The following ITGAL variants were observed in gnomAD, a reference collection of about 807,000 sequenced individuals.
The protein encoded by ITGAL is integrin alpha-L.
ITGAL carries 68 observed loss-of-function variants against 138.4 expected under a neutral mutation model. The observed-to-expected ratio is 0.49, with a 90% CI of 0.40 to 0.60. The LOEUF (loss-of-function observed/expected upper bound fraction) is 0.60, where lower values mean the gene tolerates loss of function less well. ITGAL is among the 20% of genes least tolerant of loss of function. ITGAL has a pLI of 0.00. For synonymous variants in ITGAL, 561 were observed against 584.3 expected (o/e 0.96, Z 0.57); for missense variants, 1,256 against 1,478.6 (o/e 0.85, Z 2.47).
intron 21 of ITGAL, among the ~76,000 whole-genome samples, chr16:30,507,411 G>T (rs2051018741): frequency 6.8e-6 from 1 of 147,134 alleles, no homozygotes; most frequent in Non-Finnish European, 1.5e-5. Context: ...AGCGAGCCGA[G>T]ATCGCGCCAC....
At chr16:30,488,435 C>T (rs536639427) in intron 9 of ITGAL, among the ~76,000 whole-genome samples, 2 of 152,038 alleles carry the variant, frequency 1.3e-5, no homozygotes, top group East Asian at 3.9e-4. Context: ...GGAGGCTGGG[C>T]ACAGTGGCTC....
At chr16:30,475,111 G>A (rs142868637) in intron 2 of ITGAL, among the ~76,000 whole-genome samples, 195 bp from the exon 3 acceptor site, 218 of 152,176 alleles carry the variant, frequency 1.4e-3, no homozygotes, top group Admixed American at 3.5e-3. Context: ...CACCGACATC[G>A]GCCTCCCAAA....
At chr16:30,501,525 C>T (rs960897399) in intron 17 of ITGAL, among the ~76,000 whole-genome samples, 11 of 148,090 alleles carry the variant, frequency 7.4e-5, no homozygotes, top group African/African-American at 1.7e-4. Context: ...TGCAGTGAGC[C>T]GAGATCGTGC....
intron 9 of ITGAL, among the ~76,000 whole-genome samples, chr16:30,487,564 C>T (rs1238609198): frequency 6.6e-6 from 1 of 151,996 alleles, no homozygotes; most frequent in Non-Finnish European, 1.5e-5. Flanking sequence ...CGCCTGCCAC[C>T]ACACCCAGAT....
chr16:30,479,214 G>A lies in ITGAL; in HGVS notation c.445+6G>A, dbSNP rs1438231648. The A allele has an allele frequency of 1.2e-6, 2 of 1,613,894 alleles. No homozygotes were observed. The highest frequency in any genetic ancestry group is 1.7e-6 in the Non-Finnish European group (2 of 1,179,848). On this transcript the variant is annotated splice_donor_region_variant and intron_variant, in intron 5 of 30. Transcript: ENST00000356798. ...GGGGCGCCCTGGTTTTCAGGGTAAG[G>A]AACTGGGGACTCATTGGGTAAAAAT...
intron 26 of ITGAL, 48 bp from the exon 27 acceptor site, chr16:30,517,601 T>C (rs1396308446): frequency 1.8e-5 from 27 of 1,533,728 alleles, no homozygotes; most frequent in African/African-American, 6.8e-5. Context: ...GCCAGTGTCT[T>C]ATCTGGGTTG....
At chr16:30,492,662 T>A (rs2050740778) in intron 11 of ITGAL, among the ~76,000 whole-genome samples, 2 of 150,552 alleles carry the variant, frequency 1.3e-5, no homozygotes, top group Admixed American at 1.3e-4. Context: ...GTTCACGCCA[T>A]TCTCCTGCCT....
intron 4 of ITGAL, among the ~76,000 whole-genome samples, chr16:30,478,734 CTG>C (rs1400648754): frequency 2.7e-5 from 4 of 150,592 alleles, no homozygotes; most frequent in Non-Finnish European, 5.9e-5. Flanking sequence ...GAAAGAGGCA[CTG>C]TATATTCTGG....
Position 30,508,299 on chromosome 16 carries a change from C to T in ITGAL, c.2508+1443C>T, listed in dbSNP as rs993014387. Among the ~76,000 whole-genome samples, 50 of 150,760 alleles carry T rather than the reference C, an allele frequency of 3.3e-4. 1 individual carries two copies. Among genetic ancestry groups the T allele is most frequent in the Admixed American group, 2.1e-3 (32 of 15,070 alleles). On this transcript the variant is annotated intron_variant, in intron 21 of 30. Coordinates refer to ENST00000356798, the MANE Select transcript of ITGAL (RefSeq NM_002209.3). ...CGCAATCTCGGCTCACTGCAACCTC[C>T]GCCTCCCAGGTTCAAGTGATTCTCC...
intron 24 of ITGAL, among the ~76,000 whole-genome samples, chr16:30,512,240 T>C (rs2051100894): frequency 6.6e-6 from 1 of 152,164 alleles, no homozygotes; most frequent in Non-Finnish European, 1.5e-5. Flanking sequence ...GAGGGAGTTA[T>C]GTCCGTTTTT....
At chr16:30,500,568 G>A (rs1345156338) in intron 17 of ITGAL, among the ~76,000 whole-genome samples, 1 of 151,616 alleles carries the variant, frequency 6.6e-6, no homozygotes, top group Non-Finnish European at 1.5e-5. Context: ...AATTTTTTTA[G>A]AGACAGGGCC....
chr16:30,488,926 C>T (rs932164520), intron 9 of ITGAL, 156 bp from the exon 10 acceptor site: 61 of 650,744 alleles, frequency 9.4e-5, no homozygotes, highest in Non-Finnish European at 1.4e-4. Context: ...AAGCCAACTC[C>T]GCATTAAGCC....
chr16:30,501,700 T>A (rs2050901237), intron 17 of ITGAL, among the ~76,000 whole-genome samples: 1 of 152,114 alleles, frequency 6.6e-6, no homozygotes, highest in Admixed American at 6.6e-5. Context: ...TTAAAGTTTT[T>A]AAATTAAGTC....
chr16:30,492,363 G>C (rs1226533090), intron 11 of ITGAL, among the ~76,000 whole-genome samples: 1 of 149,700 alleles, frequency 6.7e-6, no homozygotes, highest in Non-Finnish European at 1.5e-5. Flanking sequence ...TGATTCTCTT[G>C]CCTCAGCCTC....
At position 30,505,289 on chromosome 16, in the gene ITGAL, G is replaced by C. The variant is rs1209156451; in HGVS notation, c.2281G>C (p.Glu761Gln). The C allele has an allele frequency of 6.2e-7, 1 of 1,612,782 alleles. No individual in the cohort carries two copies. Among genetic ancestry groups the C allele is most frequent in the Admixed American group, 1.7e-5 (1 of 59,976 alleles). Residue 761 changes from glutamate to glutamine, a missense_variant, in exon 19 of 31, where the codon GAA becomes CAA. Around this residue, in one of 3 missense-constraint regions of ITGAL, gnomAD observed 867 missense variants for 972.5 expected, o/e 0.89. Transcript: ENST00000356798. ...PPILRPSLHSETWEIPFEKNC... is the reference protein window; with the variant it reads ...PPILRPSLHSQTWEIPFEKNC... ...CATCCTGAGACCCTCCCTGCACTCG[G>C]AAACCTGGGAGGTAAGAGGGGAGAA...
At chr16:30,516,938 A>G in intron 25 of ITGAL, 35 bp from the exon 26 acceptor site, 3 of 1,480,024 alleles carry the variant, frequency 2.0e-6, no homozygotes, top group Non-Finnish European at 2.8e-6. Flanking sequence ...GGTGGCTGGC[A>G]TTCAGGGCTC....
intron 25 of ITGAL, 73 bp from the exon 26 acceptor site, chr16:30,516,900 G>C: frequency 9.7e-7 from 1 of 1,033,272 alleles, no homozygotes; most frequent in Non-Finnish European, 1.5e-6. Context: ...AGGCGTGCAA[G>C]GGCACACAGG....
intron 9 of ITGAL, 127 bp downstream of exon 9, chr16:30,484,390 A>G (rs1324727355): frequency 2.4e-6 from 2 of 843,970 alleles, no homozygotes; most frequent in South Asian, 1.7e-5. Flanking sequence ...AGGTGGATCA[A>G]TTGAGCTCAG....
chr16:30,487,424 G>GT (rs2050664060), intron 9 of ITGAL, among the ~76,000 whole-genome samples: 3 of 151,900 alleles, frequency 2.0e-5, no homozygotes, highest in East Asian at 1.9e-4. Flanking sequence ...GTTTTGTTTT[G>GT]TTTTTTGAGA....
Sources: gnomAD v4.1 joint callset for allele counts (sites outside exome capture counted in the v4.1 genomes callset) on GRCh38, gnomAD v4.1.1 for gene constraint, gnomAD v4.1.1 regional missense constraint, MANE v1.5 for transcripts, NCBI Gene and HGNC (gene_info 2026-07-23, HGNC 2026-07-21) for gene names.